The following SYT14 variants were observed in gnomAD, a reference collection of about 807,000 sequenced individuals.
The protein encoded by SYT14 is synaptotagmin-14.
Under a neutral mutation model 74.2 loss-of-function variants are expected in SYT14, and 32 were observed. The ratio of observed to expected loss-of-function variants is 0.43; its 90% CI spans 0.33 to 0.58. The LOEUF (loss-of-function observed/expected upper bound fraction) is 0.58, where lower values mean the gene tolerates loss of function less well. SYT14 is among the 20% of genes least tolerant of loss of function. SYT14 has a pLI of 0.05. For missense variants in SYT14, 791 were observed against 981.8 expected (o/e 0.81, Z 2.60); for synonymous variants, 298 against 337.7 (o/e 0.88, Z 1.29).
At chr1:209,993,143 A>G (rs1203510253) in intron 2 of SYT14, among the ~76,000 whole-genome samples, 1 of 152,166 alleles carries the variant, frequency 6.6e-6, no homozygotes, top group Non-Finnish European at 1.5e-5. Context: ...GAGAGTGACC[A>G]TAGATGTCTT....
At chr1:210,102,297 A>G (rs1198179144) in intron 7 of SYT14, among the ~76,000 whole-genome samples, 1 of 152,036 alleles carries the variant, frequency 6.6e-6, no homozygotes, top group Non-Finnish European at 1.5e-5. Flanking sequence ...GTTCTCCTCT[A>G]AAGATGTAAC....
chr1:210,130,972 G>A (rs2082661642), intron 7 of SYT14, among the ~76,000 whole-genome samples: 1 of 152,126 alleles, frequency 6.6e-6, no homozygotes, highest in African/African-American at 2.4e-5. Context: ...TCTTCAAACA[G>A]TCTGTTTTGT....
intron 5 of SYT14, among the ~76,000 whole-genome samples, chr1:210,079,537 T>A (rs2081580798): frequency 6.6e-6 from 1 of 152,184 alleles, no homozygotes; most frequent in African/African-American, 2.4e-5. Context: ...GGGCGTGACA[T>A]TGTCCGAGTT....
intron 5 of SYT14, among the ~76,000 whole-genome samples, chr1:210,089,563 A>G (rs1244881622): frequency 6.6e-6 from 1 of 152,104 alleles, no homozygotes; most frequent in East Asian, 1.9e-4. Context: ...CTTTTTAATG[A>G]TTGATATCTT....
exon 10 of SYT14, chr1:210,167,961 A>G (rs925827619): frequency 6.6e-6 from 1 of 152,138 alleles, no homozygotes; most frequent in African/African-American, 2.4e-5. Context: ...TCTCTTAATC[A>G]CCTGTACTGG....
intron 2 of SYT14, among the ~76,000 whole-genome samples, chr1:209,980,822 C>T (rs1303877176): frequency 1.3e-5 from 2 of 152,108 alleles, no homozygotes; most frequent in Non-Finnish European, 2.9e-5. Context: ...GTTCTTGTAC[C>T]AGTACCAAGC....
At chr1:209,956,243 A>G (rs1228187880) in intron 2 of SYT14, among the ~76,000 whole-genome samples, 2 of 151,744 alleles carry the variant, frequency 1.3e-5, no homozygotes, top group African/African-American at 4.9e-5. Context: ...AATATATTGT[A>G]TTACTCAAGG....
intron 5 of SYT14, among the ~76,000 whole-genome samples, chr1:210,062,147 T>A (rs1462501182): frequency 6.6e-6 from 1 of 151,886 alleles, no homozygotes; most frequent in East Asian, 1.9e-4. Context: ...GAATTATGCA[T>A]GACTGTCTGG....
chr1:209,943,778 T>G (rs966074764), intron 1 of SYT14, among the ~76,000 whole-genome samples: 3 of 152,108 alleles, frequency 2.0e-5, no homozygotes, highest in African/African-American at 7.2e-5. Flanking sequence ...CTACCTAATA[T>G]GAAAGTGCTT....
chr1:210,074,084 T>C (rs1385398308), intron 5 of SYT14, among the ~76,000 whole-genome samples: 3 of 152,100 alleles, frequency 2.0e-5, no homozygotes, highest in Non-Finnish European at 4.4e-5. Context: ...TCAAGAACAC[T>C]AAATAAAAAA....
intron 5 of SYT14, among the ~76,000 whole-genome samples, chr1:210,073,340 C>T (rs1427633226): frequency 6.6e-6 from 1 of 151,928 alleles, no homozygotes; most frequent in Non-Finnish European, 1.5e-5. Context: ...TCTATAATTG[C>T]TGTATTACAT....
intron 2 of SYT14, among the ~76,000 whole-genome samples, chr1:209,963,869 A>C (rs2079113579): frequency 6.6e-6 from 1 of 152,158 alleles, no homozygotes; most frequent in Non-Finnish European, 1.5e-5. Context: ...CTTGTAATTT[A>C]TTTCAGTCAG....
chr1:210,059,485 G>GAGAGAC (rs2081168901), intron 5 of SYT14, among the ~76,000 whole-genome samples: 1 of 147,462 alleles, frequency 6.8e-6, no homozygotes, highest in Admixed American at 6.8e-5. Flanking sequence ...GAGAGAGAGA[G>GAGAGAC]AGACATGAAT....
chr1:210,051,060 G>T (rs952432108), intron 5 of SYT14, among the ~76,000 whole-genome samples: 1 of 152,090 alleles, frequency 6.6e-6, no homozygotes, highest in Non-Finnish European at 1.5e-5. Context: ...TTGATACCAC[G>T]CATTCAATCC....
chr1:210,135,609 G>A (rs1004187978), intron 7 of SYT14, among the ~76,000 whole-genome samples: 1 of 151,954 alleles, frequency 6.6e-6, no homozygotes, highest in Non-Finnish European at 1.5e-5. Context: ...TCCTTAATAT[G>A]GGTTTTATTT....
At chr1:209,992,523 A>G (rs986920476) in intron 2 of SYT14, among the ~76,000 whole-genome samples, 2 of 152,166 alleles carry the variant, frequency 1.3e-5, no homozygotes, top group African/African-American at 4.8e-5. Context: ...GACATTGGCA[A>G]CTCAGTAGGA....
At chr1:210,012,608 G>T (rs1175235864) in intron 2 of SYT14, among the ~76,000 whole-genome samples, 5 of 152,068 alleles carry the variant, frequency 3.3e-5, no homozygotes, top group Non-Finnish European at 7.4e-5. Flanking sequence ...AAGAAAGAGT[G>T]ATTGAAGCTT....
chr1:209,973,775 G>A (rs926729938), intron 2 of SYT14, among the ~76,000 whole-genome samples: 5 of 152,132 alleles, frequency 3.3e-5, no homozygotes, highest in Admixed American at 6.5e-5. Context: ...AGATCCCTGA[G>A]GAATTGCCAC....
chr1:210,072,451 A>G (rs1363558467), intron 5 of SYT14, among the ~76,000 whole-genome samples: 1 of 152,036 alleles, frequency 6.6e-6, no homozygotes, highest in Non-Finnish European at 1.5e-5. Flanking sequence ...TTTCACTGTT[A>G]GAAATAGTAT....
Sources: allele counts gnomAD v4.1 joint callset (sites outside exome capture counted in the v4.1 genomes callset), GRCh38; gene constraint gnomAD v4.1.1; transcripts MANE v1.5; gene names NCBI Gene and HGNC (gene_info 2026-07-23, HGNC 2026-07-21).